The following OR1J2 variants were observed in gnomAD, a reference collection of about 807,000 sequenced individuals.
OR1J2 encodes olfactory receptor family 1 subfamily J member 2.
For missense variants in OR1J2, 304 were observed against 246.1 expected (o/e 1.24, Z -1.57); for synonymous variants, 142 against 99.7 (o/e 1.42, Z -2.52).
the OR1J2 span, among the ~76,000 whole-genome samples, chr9:122,478,617 A>T: frequency 1.8e-4 from 27 of 152,314 alleles, no homozygotes; most frequent in African/African-American, 6.5e-4. Flanking sequence ...TTTTCAAAGG[A>T]CATACCCACA....
At chr9:122,464,905 T>G in the OR1J2 span, among the ~76,000 whole-genome samples, 39 of 152,344 alleles carry the variant, frequency 2.6e-4, no homozygotes, top group African/African-American at 9.1e-4. Flanking sequence ...AAAGACAGTT[T>G]GTCTTTCTGG....
chr9:122,526,676 G>A, the OR1J2 span: 15 of 1,614,052 alleles, frequency 9.3e-6, no homozygotes, highest in East Asian at 4.5e-5. Flanking sequence ...AAAAGGGGAC[G>A]ATGAGTACGG....
At chr9:122,560,904 A>G in the OR1J2 span, among the ~76,000 whole-genome samples, 1 of 152,140 alleles carries the variant, frequency 6.6e-6, no homozygotes, top group East Asian at 1.9e-4. Context: ...TCTCCTAGAT[A>G]ATATCCTGAA....
the OR1J2 span, chr9:122,526,324 T>A: frequency 7.4e-7 from 1 of 1,345,584 alleles, no homozygotes; most frequent in Non-Finnish European, 9.9e-7. Context: ...ACTCCAAGCC[T>A]ATGTCTTTTC....
chr9:122,511,652 T>C lies in OR1J2; in HGVS notation c.851T>C (p.Met284Thr). ...VALMYTVVTP[M>T]LNPFIYSLRN... ...CTCATGTACACGGTGGTCACACCCA[T>C]GTTGAACCCCTTTATCTACAGCCTT... The change falls in exon 1 of 1, where the codon ATG becomes ACG. Residue 284 changes from methionine to threonine, a missense_variant. By Grantham distance (81) the Met-to-Thr change is moderately conservative. Coordinates refer to ENST00000335302, the MANE Select transcript of OR1J2 (RefSeq NM_054107.1). 1.3e-6 allele frequency: 1 copy of C among 781,058 alleles called. No homozygotes were observed. Among genetic ancestry groups the C allele is most frequent in the Non-Finnish European group, 2.4e-6 (1 of 418,126 alleles). 48.4% of individuals were successfully genotyped at this position (781,058 alleles called of 1,614,324 possible).
the OR1J2 span, among the ~76,000 whole-genome samples, chr9:122,463,776 C>A: frequency 5.9e-5 from 9 of 152,248 alleles, no homozygotes; most frequent in South Asian, 1.9e-3. Flanking sequence ...GTGATGTGAT[C>A]CCTCTTCAGG....
At chr9:122,477,142 G>T in the OR1J2 span, 1 of 1,614,060 alleles carries the variant, frequency 6.2e-7, no homozygotes, top group Non-Finnish European at 8.5e-7. Context: ...GCTGGATGGG[G>T]GAAGAAAATA....
chr9:122,557,322 A>G, the OR1J2 span, among the ~76,000 whole-genome samples: 93 of 152,216 alleles, frequency 6.1e-4, no homozygotes, highest in East Asian at 1.9e-4. Context: ...CAGAGCTTTT[A>G]GTTTCTCATC....
chr9:122,544,415 C>CTTTTTTTTTTTTTTTTTTTTTTTT, the OR1J2 span, among the ~76,000 whole-genome samples: 1 of 85,356 alleles, frequency 1.2e-5, no homozygotes, highest in Non-Finnish European at 2.2e-5. Flanking sequence ...CCTCTTTTTT[C>CTTTTTTTTTTTTTTTTTTTTTTTT]TTTTTTTTTT....
At chr9:122,457,731 CAG>C in the OR1J2 span, among the ~76,000 whole-genome samples, 1 of 151,936 alleles carries the variant, frequency 6.6e-6, no homozygotes, top group African/African-American at 2.4e-5. Flanking sequence ...CATTACCAAA[CAG>C]AATATTAATA....
the OR1J2 span, among the ~76,000 whole-genome samples, chr9:122,498,422 T>A: frequency 6.6e-6 from 1 of 152,218 alleles, no homozygotes; most frequent in East Asian, 1.9e-4. Context: ...TGGTCCAGTC[T>A]ATTGATGAAG....
At chr9:122,497,097 G>A in the OR1J2 span, among the ~76,000 whole-genome samples, 1 of 152,088 alleles carries the variant, frequency 6.6e-6, no homozygotes, top group Non-Finnish European at 1.5e-5. Context: ...AGGTGACCAG[G>A]GCTAAGAACT....
chr9:122,512,367 T>G (rs1383770813), downstream of OR1J2, among the ~76,000 whole-genome samples: 1 of 152,198 alleles, frequency 6.6e-6, no homozygotes, highest in Non-Finnish European at 1.5e-5. Flanking sequence ...AAAACTCAGA[T>G]TCCTTTGATC....
upstream of OR1J2, among the ~76,000 whole-genome samples, chr9:122,507,363 C>T (rs994375973): frequency 6.6e-6 from 1 of 152,156 alleles, no homozygotes; most frequent in Non-Finnish European, 1.5e-5. Context: ...GCTGAACACT[C>T]AGTTATCCTC....
the OR1J2 span, among the ~76,000 whole-genome samples, chr9:122,460,623 G>A: frequency 0.32 from 48,792 of 151,808 alleles, 9,320 homozygotes; most frequent in Non-Finnish European, 0.45. Context: ...ATGAATTTTA[G>A]GATTGTTTTA....
At chr9:122,516,381 G>A (rs2119387778), downstream of OR1J2, among the ~76,000 whole-genome samples, 1 of 139,214 alleles carries the variant, frequency 7.2e-6, no homozygotes, top group South Asian at 2.3e-4. Context: ...TCGGCTCACT[G>A]CAAGCTCCGC....
chr9:122,479,770 C>G, the OR1J2 span, among the ~76,000 whole-genome samples: 9 of 152,144 alleles, frequency 5.9e-5, no homozygotes, highest in African/African-American at 2.2e-4. Context: ...GTTCCTTTCT[C>G]TTTTTCTTGA....
the OR1J2 span, among the ~76,000 whole-genome samples, chr9:122,525,691 G>C: frequency 5.9e-5 from 9 of 152,162 alleles, no homozygotes; most frequent in Admixed American, 5.9e-4. Flanking sequence ...GGCAGAGGTA[G>C]CACAAGGAGC....
At chr9:122,550,706 A>G in the OR1J2 span, among the ~76,000 whole-genome samples, 1 of 152,132 alleles carries the variant, frequency 6.6e-6, no homozygotes, top group African/African-American at 2.4e-5. Flanking sequence ...ATATCCCTTC[A>G]TGATAAAAAT....
Sources: gnomAD v4.1 joint callset for allele counts (sites outside exome capture counted in the v4.1 genomes callset) on GRCh38, gnomAD v4.1.1 for gene constraint, MANE v1.5 for transcripts, NCBI Gene and HGNC (gene_info 2026-07-23, HGNC 2026-07-21) for gene names.